Variants in CD1B observed in about 807,000 individuals in gnomAD.
The protein encoded by CD1B is CD1b molecule.
In CD1B, 43 loss-of-function variants were observed where a neutral mutation model predicts 39.8. The ratio of observed to expected loss-of-function variants is 1.08; its 90% confidence interval spans 0.85 to 1.39. The LOEUF is 1.39. CD1B is among the 40% of genes most tolerant of loss of function. The pLI, the probability that CD1B is intolerant of heterozygous loss-of-function variation, is 0.00. For synonymous variants in CD1B, 192 were observed against 152.5 expected, an observed-to-expected ratio of 1.26 and a Z score of -1.91; for missense variants, 495 against 403.8, an observed-to-expected ratio of 1.23 and a Z score of -1.94.
chr1:158,287,322 G>C, the CD1B span, among the ~76,000 whole-genome samples: 1 of 152,006 alleles, frequency 6.6e-6, no homozygotes, highest in African/African-American at 2.4e-5. Flanking sequence ...GAGCGACAGG[G>C]AGAGACAGAG....
chr1:158,318,459 G>T, the CD1B span, among the ~76,000 whole-genome samples: 2,216 of 151,946 alleles, frequency 0.015, 54 homozygotes, highest in African/African-American at 0.049. Flanking sequence ...GTTTAAAGTC[G>T]GTTTTATCAG....
At chr1:158,316,474 A>G in the CD1B span, among the ~76,000 whole-genome samples, 2 of 151,736 alleles carry the variant, frequency 1.3e-5, no homozygotes, top group South Asian at 4.2e-4. Flanking sequence ...TTGTTGGTGT[A>G]TAAGAATGCT....
chr1:158,319,915 C>T, the CD1B span, among the ~76,000 whole-genome samples: 4 of 151,354 alleles, frequency 2.6e-5, no homozygotes, highest in African/African-American at 9.7e-5. Flanking sequence ...GTTGGAGTAC[C>T]CTGCCGTGTG....
chr1:158,301,540 C>G, the CD1B span, among the ~76,000 whole-genome samples: 1 of 152,094 alleles, frequency 6.6e-6, no homozygotes, highest in Non-Finnish European at 1.5e-5. Flanking sequence ...TTCTCCTTCA[C>G]TTATGATGCT....
the CD1B span, among the ~76,000 whole-genome samples, chr1:158,322,819 G>T: frequency 6.6e-6 from 1 of 152,032 alleles, no homozygotes; most frequent in East Asian, 1.9e-4. Context: ...TGAATATATT[G>T]CCCTACACTT....
rs1652530961 is a variant in CD1B, at chr1:158,330,042, C to T, written c.417G>A (p.Leu139=). The T allele has an allele frequency of 6.2e-7, 1 of 1,613,898 alleles. No homozygotes were observed. Among genetic ancestry groups the T allele is most frequent in the Admixed American group, 1.7e-5 (1 of 59,990 alleles). Residue 139 remains leucine, a synonymous_variant, in exon 3 of 6, where the codon TTG becomes TTA. Coordinates refer to ENST00000368168, the MANE Select transcript of CD1B (RefSeq NM_001764.3). ...VSFLRGALGG[L]DFLSVKNASC... ...AAGCATTCTTGACACTCAGGAAATC[C>T]AATCCTCCTAGAGCTCCCCTCAGGA...
At chr1:158,295,724 G>A in the CD1B span, among the ~76,000 whole-genome samples, 2 of 151,980 alleles carry the variant, frequency 1.3e-5, no homozygotes, top group African/African-American at 4.8e-5. Context: ...ATCCCTGCCT[G>A]TCTGTACCTG....
chr1:158,315,155 C>A, the CD1B span, among the ~76,000 whole-genome samples: 292 of 152,100 alleles, frequency 1.9e-3, no homozygotes, highest in African/African-American at 6.8e-3. Flanking sequence ...GATTTATAAT[C>A]CTTTGGGTAT....
At chr1:158,317,185 T>C in the CD1B span, among the ~76,000 whole-genome samples, 1 of 151,990 alleles carries the variant, frequency 6.6e-6, no homozygotes, top group South Asian at 2.1e-4. Context: ...ATAAAATGAG[T>C]TAGGGAGGAT....
At chr1:158,309,994 A>AG in the CD1B span, among the ~76,000 whole-genome samples, 3 of 151,834 alleles carry the variant, frequency 2.0e-5, no homozygotes, top group African/African-American at 4.9e-5. Context: ...TAAAAAAAAA[A>AG]GAGTCTGAAC....
chr1:158,330,422 C>A lies in CD1B; in HGVS notation c.329-292G>T, dbSNP rs986308940. ...CAGCATTCCAGAGTGAGTGGAGGTT[C>A]CCAGCAAGAGGAGGGTGCGGGGAGG... On this transcript the variant is annotated intron_variant, in intron 2 of 5. Coordinates refer to ENST00000368168, the MANE Select transcript of CD1B (RefSeq NM_001764.3). The A allele has an allele frequency of 3.2e-5, 18 of 562,358 alleles. No individual in the cohort carries two copies. The South Asian group carries it at 3.6e-4, about 11-fold the overall frequency. The allele number at this position is 562,358 out of a possible 1,614,324, so 34.8% of individuals were successfully genotyped here. A position where few individuals can be genotyped will look rare whatever the true frequency, so the allele number is the denominator to read the frequency against.
intron 5 of CD1B, 72 bp from the exon 6 acceptor site, chr1:158,328,329 T>C (rs1652436781): frequency 2.4e-6 from 3 of 1,268,146 alleles, no homozygotes; most frequent in South Asian, 2.5e-5. Context: ...AGTAATATTA[T>C]TCATGATAGT....
At chr1:158,316,633 A>T in the CD1B span, among the ~76,000 whole-genome samples, 7 of 150,826 alleles carry the variant, frequency 4.6e-5, no homozygotes, top group African/African-American at 7.4e-5. Context: ...TCTTTTCCTA[A>T]TTGAATACCC....
the CD1B span, among the ~76,000 whole-genome samples, chr1:158,316,088 G>C: frequency 3.4e-4 from 51 of 152,064 alleles, no homozygotes; most frequent in African/African-American, 1.2e-3. Context: ...AAGTCAGGTA[G>C]TGTGATGCCT....
At chr1:158,308,689 C>A in the CD1B span, among the ~76,000 whole-genome samples, 2 of 152,212 alleles carry the variant, frequency 1.3e-5, no homozygotes, top group South Asian at 4.1e-4. Flanking sequence ...TATCTATAAC[C>A]ATCTGATCTT....
At chr1:158,294,034 G>A in the CD1B span, among the ~76,000 whole-genome samples, 3 of 152,020 alleles carry the variant, frequency 2.0e-5, no homozygotes, top group Admixed American at 6.6e-5. Flanking sequence ...CTCTCCTTTA[G>A]CTCCCTCATT....
chr1:158,298,164 G>T, the CD1B span, among the ~76,000 whole-genome samples: 13,468 of 152,122 alleles, frequency 0.089, 1,184 homozygotes, highest in African/African-American at 0.21. Context: ...ATTATTTAAT[G>T]ATAGAGGGTT....
At chr1:158,304,033 T>C in the CD1B span, among the ~76,000 whole-genome samples, 2 of 152,100 alleles carry the variant, frequency 1.3e-5, no homozygotes, top group Admixed American at 6.5e-5. Flanking sequence ...AGACGGGTGA[T>C]TTCTGCATTT....
the CD1B span, among the ~76,000 whole-genome samples, chr1:158,321,342 T>C: frequency 6.6e-6 from 1 of 152,242 alleles, no homozygotes; most frequent in Admixed American, 6.5e-5. Flanking sequence ...TCCATTTTGC[T>C]CTCCATTTGC....
Sources: allele counts gnomAD v4.1 joint callset (sites outside exome capture counted in the v4.1 genomes callset), GRCh38; gene constraint gnomAD v4.1.1; transcripts MANE v1.5; gene names NCBI Gene and HGNC (gene_info 2026-07-23, HGNC 2026-07-21).